FAM193A: variants seen among roughly 807,000 people sequenced by gnomAD.
The protein encoded by FAM193A is family with sequence similarity 193 member A.
In FAM193A, 22 loss-of-function variants were observed where a neutral mutation model predicts 126.5. The observed-to-expected ratio is 0.17, with a 90% CI of 0.12 to 0.25. The LOEUF (loss-of-function observed/expected upper bound fraction) is 0.25. Among genes scored for constraint, FAM193A ranks in the 10% least tolerant of loss-of-function variants. The pLI is 1.00. For synonymous variants in FAM193A, 761 were observed against 646.8 expected (o/e 1.18, Z -2.68); for missense variants, 1,675 against 1,672.8 (o/e 1.00, Z -0.02).
At chr4:2,640,794 G>T (rs1237222841) in intron 6 of FAM193A, among the ~76,000 whole-genome samples, 1 of 151,888 alleles carries the variant, frequency 6.6e-6, no homozygotes. Context: ...GTAAAACCCC[G>T]TCTCTACTAA....
At chr4:2,731,753 G>T (rs1298212151) in intron 20 of FAM193A, 22 bp from the exon 21 acceptor site, 1 of 1,598,694 alleles carries the variant, frequency 6.3e-7, no homozygotes, top group East Asian at 2.2e-5. Flanking sequence ...TTCAGTGACT[G>T]TTTGGCTTTT....
intron 13 of FAM193A, among the ~76,000 whole-genome samples, chr4:2,680,312 T>A (rs985502620): frequency 5.9e-5 from 9 of 152,222 alleles, no homozygotes; most frequent in African/African-American, 2.2e-4. Flanking sequence ...TGGTGTACAG[T>A]TGTTCGTAAT....
intron 13 of FAM193A, among the ~76,000 whole-genome samples, chr4:2,680,411 C>G (rs1714971223): frequency 6.6e-6 from 1 of 152,190 alleles, no homozygotes; most frequent in African/African-American, 2.4e-5. Context: ...GCCTCAAACT[C>G]CTGGGCTCAA....
chr4:2,545,807 A>T (rs984153901), intron 1 of FAM193A, among the ~76,000 whole-genome samples: 16 of 152,154 alleles, frequency 1.1e-4, no homozygotes, highest in African/African-American at 3.9e-4. Context: ...TCAGCCTCCC[A>T]GGTAGCTGGG....
intron 13 of FAM193A, among the ~76,000 whole-genome samples, chr4:2,684,650 CT>C (rs879785792): frequency 7.9e-5 from 12 of 152,318 alleles, no homozygotes; most frequent in Admixed American, 2.0e-4. Context: ...GATGCGAGAG[CT>C]GCCTGAGACC....
intron 1 of FAM193A, among the ~76,000 whole-genome samples, chr4:2,575,731 T>A (rs1739547859): frequency 6.6e-6 from 1 of 152,122 alleles, no homozygotes; most frequent in Non-Finnish European, 1.5e-5. Flanking sequence ...CCTCCCAAAG[T>A]GTGGGATTAC....
intron 10 of FAM193A, among the ~76,000 whole-genome samples, chr4:2,662,293 A>G (rs1712551155): frequency 6.6e-6 from 1 of 152,254 alleles, no homozygotes; most frequent in Non-Finnish European, 1.5e-5. Flanking sequence ...TGACCAGGCC[A>G]TGACTGGCCT....
chr4:2,695,417 A>G (rs1344195015), intron 17 of FAM193A, among the ~76,000 whole-genome samples: 2 of 152,182 alleles, frequency 1.3e-5, no homozygotes, highest in African/African-American at 4.8e-5. Flanking sequence ...ATGGTGGAAC[A>G]TTGTAGCCAG....
At chr4:2,564,568 C>T (rs1023620329) in intron 1 of FAM193A, among the ~76,000 whole-genome samples, 9 of 152,070 alleles carry the variant, frequency 5.9e-5, no homozygotes, top group Non-Finnish European at 1.3e-4. Context: ...TATTTTCGAA[C>T]TTTTTTGTAC....
At chr4:2,607,890 G>C (rs1741636747) in intron 2 of FAM193A, 2 of 875,228 alleles carry the variant, frequency 2.3e-6, no homozygotes, top group African/African-American at 3.5e-5. Flanking sequence ...GATATTGCCT[G>C]TTTCTTTTTT....
Position 2,716,013 on chromosome 4 carries a change from T to C in FAM193A, c.4373-10T>C. 6.6e-7 allele frequency: 1 copy of C among 1,521,154 alleles called. No individual in the cohort carries two copies. Among genetic ancestry groups the C allele is most frequent in the Non-Finnish European group, 9.1e-7 (1 of 1,095,062 alleles). 94.2% of individuals were successfully genotyped at this position (1,521,154 alleles called of 1,614,324 possible). A position where few individuals can be genotyped will look rare whatever the true frequency, so the allele number is the denominator to read the frequency against. ...GTAATTTGACTTGCTGCTTCTCTTT[T>C]GTTTTACAGATGATGTCTTTCTACC... On this transcript the variant is annotated splice_polypyrimidine_tract_variant and intron_variant, in intron 19 of 20. Transcript: ENST00000637812.
chr4:2,679,875 T>G (rs1714899888), intron 13 of FAM193A, among the ~76,000 whole-genome samples: 1 of 150,800 alleles, frequency 6.6e-6, no homozygotes, highest in African/African-American at 2.4e-5. Flanking sequence ...TTTTTTTTTC[T>G]TTGAGACGGA....
Position 2,617,923 on chromosome 4 carries a change from T to A in FAM193A, c.502-7339T>A, listed in dbSNP as rs545919219. Among the ~76,000 whole-genome samples, 10 of 118,726 alleles carry A rather than the reference T, an allele frequency of 8.4e-5. No homozygotes were observed. In the South Asian group the frequency reaches 2.6e-3, roughly 31 times the overall value. The allele number at this position is 118,726 out of a possible 152,430, so 77.9% of individuals were successfully genotyped here. On this transcript the variant is annotated intron_variant, in intron 2 of 20. Transcript: ENST00000637812. The stretch of plus-strand genomic sequence containing the variant: ...TCCATTCCTTTGTGTAGATCCACAT[T>A]TTCATTTGGTATTATTTTCCCTGTC...
chr4:2,665,251 C>T (rs1008193325), intron 12 of FAM193A, among the ~76,000 whole-genome samples: 6 of 151,892 alleles, frequency 4.0e-5, no homozygotes, highest in Non-Finnish European at 7.4e-5. Context: ...TTTTGATTTC[C>T]AATTGATCAT....
chr4:2,721,873 G>C (rs889171743), intron 20 of FAM193A, among the ~76,000 whole-genome samples: 3 of 152,206 alleles, frequency 2.0e-5, no homozygotes, highest in African/African-American at 7.2e-5. Flanking sequence ...TCTGTTCACT[G>C]CCATGTGTTC....
intron 20 of FAM193A, among the ~76,000 whole-genome samples, chr4:2,723,882 G>T (rs1186282316): frequency 1.3e-5 from 2 of 152,114 alleles, no homozygotes; most frequent in Non-Finnish European, 1.5e-5. Flanking sequence ...GCTCACTGCA[G>T]CCTTGACCAC....
intron 20 of FAM193A, among the ~76,000 whole-genome samples, chr4:2,727,136 G>A (rs980721062): frequency 6.6e-6 from 1 of 152,010 alleles, no homozygotes; most frequent in African/African-American, 2.4e-5. Context: ...GTGCTCGCCT[G>A]TAGTCCTAGC....
rs773661135 is a variant in FAM193A at position 2,646,771 on chromosome 4, G to A, written c.1250G>A (p.Arg417His). 29 of 1,613,966 alleles carry A rather than the reference G, an allele frequency of 1.8e-5. No individual in the cohort carries two copies. The highest frequency in any genetic ancestry group is 2.4e-5 in the Non-Finnish European group (28 of 1,179,986). The change falls in exon 7 of 21, where the codon CGC becomes CAC. Residue 417 changes from arginine (R) to histidine (H), a missense_variant. Transcript: ENST00000637812. ...QRYQRSEEEL[R>H]RVAEEWLECQ... Reference sequence around the variant, plus strand: ...TACCAGCGTTCCGAGGAGGAGCTGCGCAGAGTCGCCGAGGAGTGGCTGGAG... The same window carrying A: ...TACCAGCGTTCCGAGGAGGAGCTGCACAGAGTCGCCGAGGAGTGGCTGGAG...
At chr4:2,604,572 A>G (rs1228111530) in intron 2 of FAM193A, among the ~76,000 whole-genome samples, 5 of 152,218 alleles carry the variant, frequency 3.3e-5, no homozygotes, top group African/African-American at 1.2e-4. Context: ...CTGTTACTGC[A>G]CGGACCCCAT....
Sources: allele counts gnomAD v4.1 joint callset (sites outside exome capture counted in the v4.1 genomes callset), GRCh38; gene constraint gnomAD v4.1.1; transcripts MANE v1.5; gene names NCBI Gene and HGNC (gene_info 2026-07-23, HGNC 2026-07-21).